The following MBNL1 variants were observed in gnomAD, a reference collection of about 807,000 sequenced individuals.
MBNL1 encodes muscleblind like splicing regulator 1, also known as muscleblind-like protein 1.
Under a neutral mutation model 42.2 loss-of-function variants are expected in MBNL1, and 8 were observed. That is an observed-to-expected ratio of 0.19 (90% CI 0.11 to 0.34). MBNL1 has a LOEUF of 0.34. Among genes scored for constraint, MBNL1 ranks in the 10% least tolerant of loss-of-function variants. The pLI is 1.00. For synonymous variants in MBNL1, 169 were observed against 173.9 expected, an observed-to-expected ratio of 0.97 and a Z score of 0.22; for missense variants, 309 against 495.3, an observed-to-expected ratio of 0.62 and a Z score of 3.57.
chr3:152,304,651 T>A (rs1322603419), intron 2 of MBNL1, among the ~76,000 whole-genome samples: 1 of 152,204 alleles, frequency 6.6e-6, no homozygotes, highest in African/African-American at 2.4e-5. Flanking sequence ...CCTAATAACT[T>A]AGGAGATGAA....
chr3:152,428,705 C>T lies in MBNL1; in HGVS notation c.346-4012C>T, dbSNP rs549386924. Among the ~76,000 whole-genome samples the T allele has an allele frequency of 9.9e-5, 15 of 152,190 alleles. No homozygotes were observed. In the Middle Eastern group the frequency reaches 0.01, roughly 104 times the overall value. On this transcript the variant is annotated intron_variant, in intron 3 of 9. Transcript: ENST00000324210. Reference sequence around the variant, plus strand: ...TAGGAGCTTTCAAAAAATACTGCCACTTACCAGAGATTCTGACGAGTGAGG... The same window carrying T: ...TAGGAGCTTTCAAAAAATACTGCCATTTACCAGAGATTCTGACGAGTGAGG...
intron 2 of MBNL1, among the ~76,000 whole-genome samples, chr3:152,248,752 T>C (rs2033783804): frequency 6.6e-6 from 1 of 152,122 alleles, no homozygotes; most frequent in Non-Finnish European, 1.5e-5. Context: ...TATCTCCTAA[T>C]GCTATCCCTC....
chr3:152,365,224 A>G (rs956460430), intron 2 of MBNL1, among the ~76,000 whole-genome samples: 3 of 152,034 alleles, frequency 2.0e-5, no homozygotes, highest in African/African-American at 7.2e-5. Context: ...CAGTTCATTC[A>G]TTTTGAAAGT....
chr3:152,297,507 GC>G (rs1250110679), intron 1 of MBNL1, among the ~76,000 whole-genome samples: 1 of 151,734 alleles, frequency 6.6e-6, no homozygotes, highest in East Asian at 1.9e-4. Context: ...CTGCCACCAT[GC>G]CCGGCTAATT....
rs1749489418 is a variant in MBNL1 at position 152,464,702 on chromosome 3, C to G, written c.*2336C>G. On this transcript the variant is annotated 3_prime_UTR_variant, in exon 10 of 10. Coordinates refer to ENST00000324210, the MANE Select transcript of MBNL1 (RefSeq NM_021038.5). ...AACAAGGGACTTTTTGTTGATAATC[C>G]AAATACTCAAAGTTTACGTAATGAA... 2 of 152,394 alleles carry G rather than the reference C, an allele frequency of 1.3e-5. No individual in the cohort carries two copies. The highest frequency in any genetic ancestry group is 2.4e-5 in the African/African-American group (1 of 41,376). 9.4% of individuals were successfully genotyped at this position (152,394 alleles called of 1,614,324 possible). A position where few individuals can be genotyped will look rare whatever the true frequency, so the allele number is the denominator to read the frequency against.
chr3:152,414,049 A>T (rs1318812192), intron 2 of MBNL1, among the ~76,000 whole-genome samples: 1 of 152,094 alleles, frequency 6.6e-6, no homozygotes, highest in Admixed American at 6.5e-5. Flanking sequence ...CCAAAGTGCT[A>T]AGATTACTAA....
chr3:152,415,036 G>T lies in MBNL1; in HGVS notation c.270G>T (p.Gln90His), dbSNP rs143147692. Residue 90 changes from glutamine to histidine, a missense_variant, in exon 3 of 10, where the codon CAG becomes CAT. Transcript: ENST00000324210. ...EINGRNNLIQ[Q>H]KNMAMLAQQM... ...ATGGACGCAATAACTTGATTCAGCA[G>T]AAGAACATGGCCATGTTGGCCCAGC... The T allele has an allele frequency of 6.2e-7, 1 of 1,611,586 alleles. No individual in the cohort carries two copies. The highest frequency in any genetic ancestry group is 8.5e-7 in the Non-Finnish European group (1 of 1,179,254).
At chr3:152,302,634 A>G (rs548079454) in intron 2 of MBNL1, among the ~76,000 whole-genome samples, 11 of 152,308 alleles carry the variant, frequency 7.2e-5, no homozygotes, top group Non-Finnish European at 1.5e-4. Context: ...CTGTTAAAGT[A>G]ACTGTATGAC....
At chr3:152,395,842 A>G (rs937713969) in intron 2 of MBNL1, among the ~76,000 whole-genome samples, 1 of 152,222 alleles carries the variant, frequency 6.6e-6, no homozygotes, top group South Asian at 2.1e-4. Flanking sequence ...GGTTTTAGTT[A>G]CTGCCATTTT....
chr3:152,441,207 T>G (rs1355323642), intron 4 of MBNL1, among the ~76,000 whole-genome samples: 1 of 152,180 alleles, frequency 6.6e-6, no homozygotes, highest in East Asian at 1.9e-4. Context: ...GACATTAATC[T>G]CCTTAGAATC....
At chr3:152,355,681 G>A (rs925878961) in intron 2 of MBNL1, among the ~76,000 whole-genome samples, 5 of 152,008 alleles carry the variant, frequency 3.3e-5, no homozygotes, top group African/African-American at 9.7e-5. Flanking sequence ...ACACAGCTAG[G>A]CTAAATCAAA....
At position 152,442,212 on chromosome 3, in the gene MBNL1, G is replaced by A. The variant is rs532041542; in HGVS notation, c.550-3070G>A. On this transcript the variant is annotated intron_variant, in intron 4 of 9. Coordinates refer to ENST00000324210, the MANE Select transcript of MBNL1 (RefSeq NM_021038.5). ...TGGATATATTCTTGGAATATTACTT[G>A]TAATATGGAAATACTGGAAATTATC... is the stretch of plus-strand genomic sequence containing the variant. 2.0e-5 allele frequency among the ~76,000 whole-genome samples: 3 copies of A among 152,174 alleles called. No individual in the cohort carries two copies. In the East Asian group the frequency reaches 5.8e-4, roughly 29 times the overall value.
intron 2 of MBNL1, chr3:152,300,779 A>G (rs183163270): frequency 1.6e-5 from 3 of 190,208 alleles, no homozygotes; most frequent in African/African-American, 4.7e-5. Flanking sequence ...GTTGCAAAAG[A>G]GAAGCAGATT....
chr3:152,249,958 G>C (rs1193872052), intron 2 of MBNL1, among the ~76,000 whole-genome samples: 1 of 146,566 alleles, frequency 6.8e-6, no homozygotes, highest in Non-Finnish European at 1.5e-5. Flanking sequence ...TGAGGGCTCT[G>C]TTCTGTTCCA....
chr3:152,267,127 A>C (rs1328833660), upstream of MBNL1: 1 of 152,392 alleles, frequency 6.6e-6, no homozygotes, highest in African/African-American at 2.4e-5. Flanking sequence ...AATGTCACCC[A>C]GGCTGGTCTC....
At chr3:152,373,637 G>A (rs2096775630) in intron 2 of MBNL1, among the ~76,000 whole-genome samples, 1 of 152,116 alleles carries the variant, frequency 6.6e-6, no homozygotes, top group African/African-American at 2.4e-5. Flanking sequence ...TCTGTGGGCT[G>A]CACCCACTGT....
chr3:152,434,740 T>C (rs1005274246), intron 4 of MBNL1, among the ~76,000 whole-genome samples: 3 of 152,182 alleles, frequency 2.0e-5, no homozygotes, highest in Non-Finnish European at 4.4e-5. Flanking sequence ...ATAATAGACA[T>C]TTTAACTGGT....
chr3:152,362,195 A>G (rs185986302), intron 2 of MBNL1, among the ~76,000 whole-genome samples: 22 of 152,304 alleles, frequency 1.4e-4, no homozygotes, highest in Admixed American at 1.2e-3. Flanking sequence ...TATTAGATCA[A>G]TTAAGCCTGA....
In MBNL1 at chr3:152,319,614, G is replaced by GTTTTTTTTTTTTT. The variant is rs202070328; in HGVS notation, c.174+19260_174+19272dup. Among the ~76,000 whole-genome samples the GTTTTTTTTTTTTT allele has an allele frequency of 2.0e-4, 16 of 80,532 alleles. 3 individuals carry two copies. Among genetic ancestry groups the GTTTTTTTTTTTTT allele is most frequent in the Admixed American group, 3.4e-4 (2 of 5,874 alleles). 52.8% of individuals were successfully genotyped at this position (80,532 alleles called of 152,430 possible). On this transcript the variant is annotated intron_variant, in intron 2 of 9. Coordinates refer to ENST00000324210, the MANE Select transcript of MBNL1 (RefSeq NM_021038.5). Reference sequence around the variant, plus strand: ...TACGGTGGCATTAAAGTTCTATACTGTTTTTTTTTTTTTTTTTTTTTTTTT... The same window carrying GTTTTTTTTTTTTT: ...TACGGTGGCATTAAAGTTCTATACTGTTTTTTTTTTTTTTTTTTTTTTTTTTTTTTTTTTTTTT...
Sources: allele counts gnomAD v4.1 joint callset (sites outside exome capture counted in the v4.1 genomes callset), GRCh38; gene constraint gnomAD v4.1.1; transcripts MANE v1.5; gene names NCBI Gene and HGNC (gene_info 2026-07-23, HGNC 2026-07-21).